The following SIGLECL1 variants were observed in gnomAD, a reference collection of about 807,000 sequenced individuals.
The protein encoded by SIGLECL1 is SIGLEC family like 1, also known as SIGLEC family-like protein 1.
Under a neutral mutation model 19.1 loss-of-function variants are expected in SIGLECL1, and 16 were observed. The observed-to-expected ratio is 0.84, with a 90% CI of 0.57 to 1.27. The LOEUF (loss-of-function observed/expected upper bound fraction) is 1.27. SIGLECL1 is among the 50% of genes most tolerant of loss of function. The probability of loss-of-function intolerance (pLI) is 0.00; values close to 1 mark genes in which losing one functional copy is unlikely to be tolerated. For missense variants in SIGLECL1, 210 were observed against 239.4 expected (o/e 0.88, Z 0.81); for synonymous variants, 89 against 90.4 (o/e 0.98, Z 0.09).
chr19:51,256,705 T>C (rs1982832237), intron 1 of SIGLECL1, among the ~76,000 whole-genome samples: 1 of 152,242 alleles, frequency 6.6e-6, no homozygotes, highest in Non-Finnish European at 1.5e-5. Context: ...GTGCTGATTA[T>C]GTTAATTCAC....
chr19:51,266,731 G>T (rs1208359344), intron 4 of SIGLECL1, among the ~76,000 whole-genome samples: 2 of 152,176 alleles, frequency 1.3e-5, no homozygotes, highest in African/African-American at 4.8e-5. Context: ...AAACTTAGCT[G>T]CATGTATTAG....
chr19:51,260,528 C>T (rs1347727113), intron 1 of SIGLECL1, among the ~76,000 whole-genome samples: 1 of 152,046 alleles, frequency 6.6e-6, no homozygotes, highest in Non-Finnish European at 1.5e-5. Flanking sequence ...TTAAATAATA[C>T]CACTGTAAAC....
upstream of SIGLECL1, among the ~76,000 whole-genome samples, chr19:51,250,021 C>T (rs181630318): frequency 2.0e-5 from 3 of 151,888 alleles, no homozygotes; most frequent in Admixed American, 2.0e-4. Context: ...AGGAGTGTAG[C>T]AGTGAGGATT....
At chr19:51,257,062 T>C (rs988667605) in intron 1 of SIGLECL1, among the ~76,000 whole-genome samples, 1 of 152,048 alleles carries the variant, frequency 6.6e-6, no homozygotes, top group African/African-American at 2.4e-5. Flanking sequence ...TTCAGACATA[T>C]AGAAAGATAT....
chr19:51,249,057 G>C (rs1270890201), upstream of SIGLECL1, among the ~76,000 whole-genome samples: 1 of 152,112 alleles, frequency 6.6e-6, no homozygotes, highest in Non-Finnish European at 1.5e-5. Context: ...CTGAAACACA[G>C]TATGATAAGG....
chr19:51,255,574 C>T (rs1331258268), intron 1 of SIGLECL1, among the ~76,000 whole-genome samples: 1 of 152,096 alleles, frequency 6.6e-6, no homozygotes, highest in Non-Finnish European at 1.5e-5. Context: ...ACATAAGGAA[C>T]TCAAACAACT....
intron 1 of SIGLECL1, among the ~76,000 whole-genome samples, chr19:51,258,300 G>A (rs531347169): frequency 6.6e-6 from 1 of 152,302 alleles, no homozygotes; most frequent in African/African-American, 2.4e-5. Context: ...GGATTCACTA[G>A]AACAGCCCTG....
At chr19:51,267,249 T>C in intron 4 of SIGLECL1, 124 bp from the exon 5 acceptor site, 1 of 1,191,942 alleles carries the variant, frequency 8.4e-7, no homozygotes, top group Non-Finnish European at 1.2e-6. Context: ...TGGCTTGCCC[T>C]AGGTCATACA....
In SIGLECL1 at chr19:51,265,855, T is replaced by A. The variant is rs759436355; in HGVS notation, c.383T>A (p.Leu128Gln). 1 of 1,614,180 alleles carries A rather than the reference T, an allele frequency of 6.2e-7. No homozygotes were observed. Among genetic ancestry groups the A allele is most frequent in the Admixed American group, 1.7e-5 (1 of 60,020 alleles). Residue 128 changes from leucine (L) to glutamine (Q), a missense_variant, in exon 4 of 6, where the codon CTG becomes CAG. Transcript: ENST00000601727. ...GAIYAGIVIA[L>Q]LFLCLLPLIV... ...ATCTATGCGGGAATTGTAATTGCGC[T>A]GCTCTTCCTCTGCCTCCTCCCTCTC...
At chr19:51,259,188 G>A (rs747862966) in intron 1 of SIGLECL1, among the ~76,000 whole-genome samples, 2 of 32,636 alleles carry the variant, frequency 6.1e-5, no homozygotes, top group African/African-American at 1.3e-4. Context: ...GTTAGATTGC[G>A]AAGACATAGG....
At chr19:51,260,076 C>A (rs780019413) in intron 1 of SIGLECL1, among the ~76,000 whole-genome samples, 5 of 152,150 alleles carry the variant, frequency 3.3e-5, no homozygotes, top group Non-Finnish European at 7.3e-5. Context: ...GGCAGATGGG[C>A]AATGGGAAAC....
chr19:51,263,384 T>C (rs1193168045), intron 1 of SIGLECL1, among the ~76,000 whole-genome samples: 1 of 152,172 alleles, frequency 6.6e-6, no homozygotes, highest in African/African-American at 2.4e-5. Flanking sequence ...ATTATCATAT[T>C]TTTCCTGAGA....
In SIGLECL1 at chr19:51,265,659, GA is replaced by G. The variant is rs1432740649; in HGVS notation, c.304+11del. The G allele has an allele frequency of 6.2e-7, 1 of 1,611,688 alleles. No homozygotes were observed. The highest frequency in any genetic ancestry group is 1.3e-5 in the African/African-American group (1 of 74,888). On this transcript the variant is annotated intron_variant, in intron 3 of 5. Transcript: ENST00000601727. ...ATCCTACTGATGTCAAGTGAGGGTG[GA>G]GGGGGCTCGGTGACTGGGTGAGGAC...
At chr19:51,254,729 T>C (rs928237020) in intron 1 of SIGLECL1, among the ~76,000 whole-genome samples, 3 of 152,190 alleles carry the variant, frequency 2.0e-5, no homozygotes, top group African/African-American at 7.2e-5. Flanking sequence ...AATGGTGATG[T>C]CTGCATATCT....
chr19:51,258,998 AATCAAG>A (rs369048211), intron 1 of SIGLECL1, among the ~76,000 whole-genome samples: 37 of 152,202 alleles, frequency 2.4e-4, no homozygotes, highest in African/African-American at 6.3e-4. Context: ...CATGTGATCT[AATCAAG>A]ATAAATGACA....
chr19:51,264,177 G>T (rs1983460738), intron 2 of SIGLECL1, 83 bp downstream of exon 2: 1 of 1,518,278 alleles, frequency 6.6e-7, no homozygotes, highest in South Asian at 1.1e-5. Context: ...CAGAGGATGG[G>T]CTATGGAGGC....
At chr19:51,254,415 A>G (rs1982677993) in intron 1 of SIGLECL1, among the ~76,000 whole-genome samples, 1 of 152,196 alleles carries the variant, frequency 6.6e-6, no homozygotes, top group Admixed American at 6.5e-5. Context: ...TGGATAAACA[A>G]AATGTGGTCT....
At chr19:51,249,645 A>G (rs1016814738), upstream of SIGLECL1, among the ~76,000 whole-genome samples, 2 of 152,184 alleles carry the variant, frequency 1.3e-5, no homozygotes, top group Non-Finnish European at 2.9e-5. Context: ...GTGAGCTTCT[A>G]TTCTAGTGGC....
chr19:51,252,305 A>AAAAAG (rs1001542339), intron 1 of SIGLECL1, among the ~76,000 whole-genome samples: 2 of 151,990 alleles, frequency 1.3e-5, no homozygotes, highest in Non-Finnish European at 2.9e-5. Flanking sequence ...TCAAAAAAAA[A>AAAAAG]AAAAGAAAAG....
Sources: allele counts gnomAD v4.1 joint callset (sites outside exome capture counted in the v4.1 genomes callset), GRCh38; gene constraint gnomAD v4.1.1; transcripts MANE v1.5; gene names NCBI Gene and HGNC (gene_info 2026-07-23, HGNC 2026-07-21).